The following LIMS1 variants were observed in gnomAD, a reference collection of about 807,000 sequenced individuals.
LIMS1 encodes LIM and senescent cell antigen-like-containing domain protein 1.
LIMS1 carries 18 observed loss-of-function variants against 44.1 expected under a neutral mutation model. The observed-to-expected ratio is 0.41, with a 90% confidence interval of 0.28 to 0.61. LIMS1 has a LOEUF of 0.61. Among genes scored for constraint, LIMS1 ranks in the 20% least tolerant of loss-of-function variants. The probability of loss-of-function intolerance (pLI) is 0.32; values close to 1 mark genes in which losing one functional copy is unlikely to be tolerated. For missense variants in LIMS1, 201 were observed against 422.0 expected (o/e 0.48, Z 4.59); for synonymous variants, 93 against 149.1 (o/e 0.62, Z 2.74).
intron 1 of LIMS1, among the ~76,000 whole-genome samples, chr2:108,541,625 A>G (rs1558779701): frequency 1.3e-5 from 2 of 152,148 alleles, no homozygotes; most frequent in South Asian, 4.1e-4. Flanking sequence ...ATCTGGCCCA[A>G]CCCATCTTCA....
At chr2:108,664,000 C>T (rs1284754124) in intron 2 of LIMS1, among the ~76,000 whole-genome samples, 1 of 152,116 alleles carries the variant, frequency 6.6e-6, no homozygotes, top group Non-Finnish European at 1.5e-5. Flanking sequence ...GTGATCCGCT[C>T]GCCTCGTTCT....
intron 1 of LIMS1, among the ~76,000 whole-genome samples, chr2:108,612,005 C>CATATATAAATATATAT (rs1553459837): frequency 7.4e-6 from 1 of 135,072 alleles, no homozygotes; most frequent in African/African-American, 3.0e-5. Context: ...TATATATACA[C>CATATATAAATATATAT]ACATATATAT....
rs376108545 is a variant in LIMS1 at position 108,676,691 on chromosome 2, A to G, written c.767A>G (p.Tyr256Cys). Residue 256 changes from tyrosine (Y) to cysteine (C), a missense_variant, in exon 7 of 10, where the codon TAT becomes TGT. Physicochemically the swap from Tyr to Cys is radical, Grantham distance 194. Transcript: ENST00000544547. ...GGCCTGGCATATTGTGAAACTCACT[A>G]TAACCAGGTATTGACCTTAGTCACT... 8.0e-6 allele frequency: 11 copies of G among 1,378,894 alleles called. 1 individual carries two copies. Among genetic ancestry groups the G allele is most frequent in the Non-Finnish European group, 1.1e-5 (11 of 999,550 alleles). 85.4% of individuals were successfully genotyped at this position (1,378,894 alleles called of 1,614,324 possible). A position where few individuals can be genotyped will look rare whatever the true frequency, so the allele number is the denominator to read the frequency against.
intron 8 of LIMS1, chr2:108,678,678 T>C (rs1446107150): frequency 6.6e-6 from 1 of 152,190 alleles, no homozygotes; most frequent in Admixed American, 6.5e-5. Flanking sequence ...TTTAGTGCCA[T>C]TGAAAATAAA....
At chr2:108,680,699 C>G in exon 9 of LIMS1, 1 of 1,609,812 alleles carries the variant, frequency 6.2e-7, no homozygotes. Flanking sequence ...CTCCAGTGGT[C>G]TCTGCTCTTA....
chr2:108,602,403 C>T (rs1029546976), intron 1 of LIMS1, among the ~76,000 whole-genome samples: 1 of 152,150 alleles, frequency 6.6e-6, no homozygotes, highest in Non-Finnish European at 1.5e-5. Flanking sequence ...AGTTTTTCCC[C>T]GCAGTATGAT....
intron 2 of LIMS1, chr2:108,662,718 T>A: frequency 1.1e-6 from 1 of 938,430 alleles, no homozygotes; most frequent in Non-Finnish European, 1.3e-6. Context: ...AAAGAAAGCT[T>A]GGAAACTTAC....
intron 2 of LIMS1, chr2:108,660,170 T>C (rs1015789682): frequency 4.1e-6 from 2 of 483,684 alleles, no homozygotes; most frequent in Non-Finnish European, 8.4e-6. Context: ...CTGGACCTGC[T>C]CTAAAGGAGA....
chr2:108,599,243 T>C (rs2104713326), intron 1 of LIMS1, among the ~76,000 whole-genome samples: 1 of 152,290 alleles, frequency 6.6e-6, no homozygotes, highest in African/African-American at 2.4e-5. Context: ...GTCCATGAGT[T>C]AAATTGTTTT....
chr2:108,571,762 A>G (rs569644505), intron 1 of LIMS1, among the ~76,000 whole-genome samples: 2 of 152,200 alleles, frequency 1.3e-5, no homozygotes, highest in Non-Finnish European at 2.9e-5. Flanking sequence ...GTTTCTGACA[A>G]TTTAGCACAT....
At chr2:108,571,419 C>T (rs535009885) in intron 1 of LIMS1, among the ~76,000 whole-genome samples, 2 of 152,278 alleles carry the variant, frequency 1.3e-5, no homozygotes, top group African/African-American at 4.8e-5. Context: ...GAACAGTGAT[C>T]GTGGATGTTT....
intron 1 of LIMS1, among the ~76,000 whole-genome samples, chr2:108,597,049 C>T (rs1044139522): frequency 6.8e-6 from 1 of 148,060 alleles, no homozygotes; most frequent in Non-Finnish European, 1.5e-5. Context: ...GCTGGGATTA[C>T]AGGCACGTAC....
chr2:108,629,962 C>G (rs1293809248), intron 1 of LIMS1, among the ~76,000 whole-genome samples: 1 of 152,094 alleles, frequency 6.6e-6, no homozygotes. Flanking sequence ...GGAGGCCAAG[C>G]CGGGTGGATC....
At chr2:108,583,116 C>T (rs1429783773) in intron 1 of LIMS1, among the ~76,000 whole-genome samples, 1 of 151,628 alleles carries the variant, frequency 6.6e-6, no homozygotes, top group Non-Finnish European at 1.5e-5. Context: ...TCAGCTCACT[C>T]CAACCTCTGC....
intron 1 of LIMS1, among the ~76,000 whole-genome samples, chr2:108,604,426 C>G (rs1283756690): frequency 6.6e-6 from 1 of 152,184 alleles, no homozygotes; most frequent in Non-Finnish European, 1.5e-5. Context: ...TATTTACTAT[C>G]TGGCCTTTTA....
Position 108,609,513 on chromosome 2 carries a change from C to G in LIMS1, c.33-50092C>G, listed in dbSNP as rs139555459. ...TTTCCAGAGTGAGGCGCCCACTGTT[C>G]CCTGGCTCACTTCTCCACCTTCCCA... On this transcript the variant is annotated intron_variant, in intron 1 of 9. Coordinates refer to ENST00000544547, the Ensembl canonical transcript of LIMS1. Among the ~76,000 whole-genome samples the G allele has an allele frequency of 4.4e-3, 670 of 152,330 alleles. 4 individuals are homozygous for G. The highest frequency in any genetic ancestry group is 0.014 in the South Asian group (68 of 4,828).
At chr2:108,662,344 A>G in intron 2 of LIMS1, 1 of 1,609,724 alleles carries the variant, frequency 6.2e-7, no homozygotes, top group Non-Finnish European at 8.5e-7. Flanking sequence ...TCAGAGGGAA[A>G]AGCTCAGAAC....
chr2:108,584,626 A>G (rs1408213836), intron 1 of LIMS1, among the ~76,000 whole-genome samples: 1 of 152,130 alleles, frequency 6.6e-6, no homozygotes. Flanking sequence ...GTATAACGGG[A>G]TCCCTGAGGA....
At chr2:108,676,314 A>G (rs113162483) in intron 6 of LIMS1, among the ~76,000 whole-genome samples, 2,620 of 152,316 alleles carry the variant, frequency 0.017, 45 homozygotes, top group African/African-American at 0.037. Flanking sequence ...TGAAGCAGGA[A>G]GTGCCATGGT....
Sources: gnomAD v4.1 joint callset for allele counts (sites outside exome capture counted in the v4.1 genomes callset) on GRCh38, gnomAD v4.1.1 for gene constraint, MANE v1.5 for transcripts, NCBI Gene and HGNC (gene_info 2026-07-23, HGNC 2026-07-21) for gene names.